Variants in STX8 observed in about 807,000 individuals in gnomAD.
The protein encoded by STX8 is syntaxin 8, also known as syntaxin-8.
Under a neutral mutation model 37.5 loss-of-function variants are expected in STX8, and 23 were observed. That is an observed-to-expected ratio of 0.61 (90% CI 0.44 to 0.87). STX8 has a LOEUF of 0.87. STX8 is among the 40% of genes least tolerant of loss of function. The pLI is 0.00. For synonymous variants in STX8, 115 were observed against 99.1 expected, an observed-to-expected ratio of 1.16 and a Z score of -0.95; for missense variants, 313 against 284.7, an observed-to-expected ratio of 1.10 and a Z score of -0.71.
intron 4 of STX8, among the ~76,000 whole-genome samples, chr17:9,510,690 A>G (rs1189795364): frequency 6.6e-6 from 1 of 152,080 alleles, no homozygotes; most frequent in African/African-American, 2.4e-5. Flanking sequence ...AAATACCCTA[A>G]CAATGTATCT....
intron 6 of STX8, among the ~76,000 whole-genome samples, chr17:9,478,871 G>C (rs1002690331): frequency 2.0e-5 from 3 of 152,070 alleles, no homozygotes. Flanking sequence ...AGCTCCCTTC[G>C]GCCCATTCCT....
At chr17:9,320,332 CAA>C (rs1167812989) in intron 7 of STX8, among the ~76,000 whole-genome samples, 13 of 83,196 alleles carry the variant, frequency 1.6e-4, no homozygotes, top group Admixed American at 2.8e-4. Context: ...GACTCCATCT[CAA>C]AAAAAAAAAA....
chr17:9,378,484 G>A, intron 7 of STX8, 68 bp downstream of exon 7: 1 of 1,398,378 alleles, frequency 7.2e-7, no homozygotes, highest in Non-Finnish European at 1.0e-6. Flanking sequence ...TAGACAAACA[G>A]GAAACTCAGA....
intron 6 of STX8, among the ~76,000 whole-genome samples, chr17:9,449,402 T>C (rs1904960484): frequency 6.6e-6 from 1 of 152,044 alleles, no homozygotes; most frequent in African/African-American, 2.4e-5. Flanking sequence ...CCACTAAAAA[T>C]ACAAAAAATT....
intron 6 of STX8, among the ~76,000 whole-genome samples, chr17:9,386,246 C>T (rs1016130327): frequency 1.2e-4 from 18 of 152,072 alleles, no homozygotes; most frequent in African/African-American, 4.3e-4. Flanking sequence ...GAATACTATT[C>T]GGCAATAGAA....
At chr17:9,394,734 C>A (rs1288003138) in intron 6 of STX8, among the ~76,000 whole-genome samples, 1 of 151,776 alleles carries the variant, frequency 6.6e-6, no homozygotes, top group Non-Finnish European at 1.5e-5. Flanking sequence ...AGATGCTAAG[C>A]CATTGTTTCT....
intron 7 of STX8, among the ~76,000 whole-genome samples, chr17:9,375,164 TTC>T (rs1911541310): frequency 6.6e-6 from 1 of 151,858 alleles, no homozygotes; most frequent in African/African-American, 2.4e-5. Context: ...TTACATATAA[TTC>T]TGTGGCAGAT....
chr17:9,344,808 A>C (rs1026892011), intron 7 of STX8, among the ~76,000 whole-genome samples: 8 of 152,178 alleles, frequency 5.3e-5, no homozygotes, highest in African/African-American at 1.7e-4. Flanking sequence ...TAAAAGGTGA[A>C]TAACAAACTC....
At chr17:9,316,070 G>A (rs746914456) in intron 7 of STX8, among the ~76,000 whole-genome samples, 3 of 151,164 alleles carry the variant, frequency 2.0e-5, no homozygotes, top group Non-Finnish European at 4.4e-5. Flanking sequence ...TATGAACCTC[G>A]TGATTCATCA....
At chr17:9,379,244 C>CAAAAAAAAAA (rs34928127) in intron 6 of STX8, among the ~76,000 whole-genome samples, 1 of 76,678 alleles carries the variant, frequency 1.3e-5, no homozygotes. Flanking sequence ...GACTCCATCT[C>CAAAAAAAAAA]AAAAAAAAAA....
intron 7 of STX8, among the ~76,000 whole-genome samples, chr17:9,341,498 G>A (rs1397314488): frequency 4.6e-5 from 7 of 152,144 alleles, no homozygotes; most frequent in Non-Finnish European, 8.8e-5. Flanking sequence ...GTGCAATGGC[G>A]TGATCTCGGC....
At chr17:9,542,624 C>T (rs1057156156) in intron 4 of STX8, among the ~76,000 whole-genome samples, 4 of 151,910 alleles carry the variant, frequency 2.6e-5, no homozygotes, top group African/African-American at 9.7e-5. Flanking sequence ...TTGCAGTGAG[C>T]CAAGATTGCG....
At chr17:9,567,459 G>A (rs1397715131) in intron 2 of STX8, among the ~76,000 whole-genome samples, 2 of 152,148 alleles carry the variant, frequency 1.3e-5, no homozygotes, top group Admixed American at 6.6e-5. Flanking sequence ...TAGACCAAAT[G>A]AGTAAAAACA....
intron 4 of STX8, among the ~76,000 whole-genome samples, chr17:9,520,763 C>T (rs1905312092): frequency 6.6e-6 from 1 of 152,134 alleles, no homozygotes; most frequent in African/African-American, 2.4e-5. Context: ...ATAGGAAGGG[C>T]GTTCTTATCA....
intron 7 of STX8, among the ~76,000 whole-genome samples, chr17:9,275,065 T>G (rs17808595): frequency 0.43 from 64,558 of 151,836 alleles, 14,063 homozygotes; most frequent in Admixed American, 0.53. Context: ...AATTTCTTTA[T>G]GATGTCTCTA....
At chr17:9,459,721 C>T (rs1464362207) in intron 6 of STX8, among the ~76,000 whole-genome samples, 2 of 151,970 alleles carry the variant, frequency 1.3e-5, no homozygotes, top group Non-Finnish European at 2.9e-5. Flanking sequence ...TTCACCATAT[C>T]AGCCAGGATG....
At chr17:9,311,498 T>C (rs1404337698) in intron 7 of STX8, among the ~76,000 whole-genome samples, 1 of 152,234 alleles carries the variant, frequency 6.6e-6, no homozygotes, top group Non-Finnish European at 1.5e-5. Flanking sequence ...AATAATCACA[T>C]TTATAGTTAA....
chr17:9,325,053 A>T (rs1909710255), intron 7 of STX8, among the ~76,000 whole-genome samples: 1 of 152,172 alleles, frequency 6.6e-6, no homozygotes, highest in Admixed American at 6.6e-5. Flanking sequence ...TCATGGGAGT[A>T]AACAACCAGT....
intron 7 of STX8, among the ~76,000 whole-genome samples, chr17:9,333,594 T>C (rs528676655): frequency 2.6e-5 from 4 of 152,160 alleles, no homozygotes; most frequent in Admixed American, 2.0e-4. Flanking sequence ...TTTCACTGTG[T>C]TAGCCAGGAT....
Sources: allele counts gnomAD v4.1 joint callset (sites outside exome capture counted in the v4.1 genomes callset), GRCh38; gene constraint gnomAD v4.1.1; transcripts MANE v1.5; gene names NCBI Gene and HGNC (gene_info 2026-07-23, HGNC 2026-07-21).